Variants in BABAM2 observed in about 807,000 individuals in gnomAD.
BABAM2 encodes the protein BRISC and BRCA1-A complex member 2.
A neutral mutation model predicts 54.7 loss-of-function variants in BABAM2; 31 were observed. The observed-to-expected ratio is 0.57, with a 90% confidence interval of 0.43 to 0.77. The LOEUF (loss-of-function observed/expected upper bound fraction) is 0.77, where lower values mean the gene tolerates loss of function less well. Among genes scored for constraint, BABAM2 ranks in the 30% least tolerant of loss-of-function variants. BABAM2 has a pLI of 0.00. For missense variants in BABAM2, 364 were observed against 455.8 expected (o/e 0.80, Z 1.83); for synonymous variants, 167 against 162.9 (o/e 1.03, Z -0.19).
At chr2:28,146,159 G>A (rs1376789152) in intron 7 of BABAM2, among the ~76,000 whole-genome samples, 1 of 152,158 alleles carries the variant, frequency 6.6e-6, no homozygotes, top group Non-Finnish European at 1.5e-5. Flanking sequence ...AGTTGTAAGA[G>A]TTCTTTATAT....
chr2:28,018,821 A>G (rs1675039670), intron 4 of BABAM2, among the ~76,000 whole-genome samples: 1 of 152,144 alleles, frequency 6.6e-6, no homozygotes, highest in Non-Finnish European at 1.5e-5. Context: ...TTGTCTATTC[A>G]TGTCCTTAGT....
chr2:28,302,805 T>A (rs1198805360), intron 11 of BABAM2, among the ~76,000 whole-genome samples: 2 of 152,220 alleles, frequency 1.3e-5, no homozygotes, highest in Non-Finnish European at 2.9e-5. Context: ...CTCATGTTTT[T>A]AATTTACATT....
At chr2:28,119,416 A>G (rs1479352141) in intron 6 of BABAM2, among the ~76,000 whole-genome samples, 1 of 152,172 alleles carries the variant, frequency 6.6e-6, no homozygotes, top group Non-Finnish European at 1.5e-5. Context: ...CCTCCAGAGT[A>G]GGGGCTCCAT....
In BABAM2 at chr2:28,045,777, A is replaced by G; in HGVS notation, c.548A>G (p.Asn183Ser). Residue 183 changes from asparagine to serine, a missense_variant, in exon 6 of 12, where the codon AAT becomes AGT. By Grantham distance (46) the Asn-to-Ser change is conservative (BLOSUM62 1). Coordinates refer to ENST00000379624, the MANE Select transcript of BABAM2 (RefSeq NM_199191.3). ...FLLKLPVDFS[N>S]IPTYLLKDVN... is the part of the protein sequence containing the mutation. ...TTGAAGCTGCCCGTAGATTTCAGCAATATCCCCACATACCTTCTCAAGGTA... is the reference window on the plus strand; with the variant it reads ...TTGAAGCTGCCCGTAGATTTCAGCAGTATCCCCACATACCTTCTCAAGGTA... 1 of 1,611,558 alleles carries G rather than the reference A, an allele frequency of 6.2e-7. No homozygotes were observed. Among genetic ancestry groups the G allele is most frequent in the East Asian group, 2.2e-5 (1 of 44,786 alleles).
intron 4 of BABAM2, among the ~76,000 whole-genome samples, chr2:28,018,111 C>T (rs1327848389): frequency 6.6e-6 from 1 of 152,170 alleles, no homozygotes; most frequent in Non-Finnish European, 1.5e-5. Flanking sequence ...GTACACTGTG[C>T]CCAACGTGTA....
intron 7 of BABAM2, among the ~76,000 whole-genome samples, chr2:28,201,928 A>G (rs1384992842): frequency 4.0e-5 from 1 of 24,760 alleles, no homozygotes; most frequent in Non-Finnish European, 1.1e-4. Flanking sequence ...GTCACAGTAC[A>G]GATACAGAAC....
intron 2 of BABAM2, among the ~76,000 whole-genome samples, chr2:27,901,419 C>G (rs1665788636): frequency 6.6e-6 from 1 of 152,198 alleles, no homozygotes; most frequent in African/African-American, 2.4e-5. Flanking sequence ...ACCTCACTGG[C>G]ACATGGCTGT....
At chr2:28,072,402 T>C (rs1664233885) in intron 6 of BABAM2, among the ~76,000 whole-genome samples, 1 of 151,638 alleles carries the variant, frequency 6.6e-6, no homozygotes, top group Admixed American at 6.6e-5. Flanking sequence ...TTTTTTTTTT[T>C]TGAGGCGGAG....
At chr2:28,258,504 T>C (rs1684161123) in intron 10 of BABAM2, among the ~76,000 whole-genome samples, 1 of 152,208 alleles carries the variant, frequency 6.6e-6, no homozygotes, top group South Asian at 2.1e-4. Context: ...GTGGCTTCAA[T>C]TTGCAATTCC....
chr2:28,290,383 C>G (rs1461234338), intron 10 of BABAM2, among the ~76,000 whole-genome samples: 1 of 152,118 alleles, frequency 6.6e-6, no homozygotes, highest in Non-Finnish European at 1.5e-5. Context: ...TTTTACTGTA[C>G]AAGGTTTTAG....
intron 6 of BABAM2, among the ~76,000 whole-genome samples, chr2:28,100,903 G>A (rs560960601): frequency 1.9e-4 from 29 of 152,294 alleles, no homozygotes; most frequent in Non-Finnish European, 4.0e-4. Flanking sequence ...TGGTCAGGAG[G>A]AAGAAATTGG....
Position 28,087,056 on chromosome 2 carries a change from T to C in BABAM2, c.570+41257T>C, listed in dbSNP as rs184663736. On this transcript the variant is annotated intron_variant, in intron 6 of 11. Coordinates refer to ENST00000379624, the MANE Select transcript of BABAM2 (RefSeq NM_199191.3). ...AGAAGCATCCTTGTTAATTGAGGGC[T>C]TAACTATGAGAAGACCAGGAGTGAG... Among the ~76,000 whole-genome samples the C allele has an allele frequency of 8.5e-5, 13 of 152,344 alleles. No individual in the cohort carries two copies. In the East Asian group the frequency reaches 1.9e-3, roughly 23 times the overall value.
intron 11 of BABAM2, among the ~76,000 whole-genome samples, chr2:28,326,907 G>A (rs1690510024): frequency 1.8e-5 from 2 of 109,362 alleles, no homozygotes; most frequent in African/African-American, 7.2e-5. Flanking sequence ...GTTTGACCTC[G>A]GCAGTTTCCT....
intron 4 of BABAM2, 84 bp from the exon 5 acceptor site, chr2:28,025,142 C>T: frequency 8.1e-7 from 1 of 1,235,068 alleles, no homozygotes; most frequent in Non-Finnish European, 1.1e-6. Flanking sequence ...TACTCTTTTC[C>T]TCTACATTGA....
chr2:28,146,225 C>T (rs1450837011), intron 7 of BABAM2, among the ~76,000 whole-genome samples: 3 of 152,196 alleles, frequency 2.0e-5, no homozygotes, highest in African/African-American at 7.2e-5. Flanking sequence ...TTCTCCCATT[C>T]TGTGTGTTGT....
intron 11 of BABAM2, among the ~76,000 whole-genome samples, chr2:28,337,225 C>T (rs1691547293): frequency 6.6e-6 from 1 of 152,110 alleles, no homozygotes; most frequent in Non-Finnish European, 1.5e-5. Context: ...CCACCTCCTT[C>T]CTCTGCAGCC....
At position 28,082,876 on chromosome 2, in the gene BABAM2, T is replaced by A. The variant is rs186932792; in HGVS notation, c.570+37077T>A. 1.2e-4 allele frequency among the ~76,000 whole-genome samples: 18 copies of A among 152,312 alleles called. No homozygotes were observed. In the East Asian group the frequency reaches 2.9e-3, roughly 24 times the overall value. The stretch of plus-strand genomic sequence containing the variant: ...ACCTTTCTCACTTCTCCTGATATAC[T>A]GTGAAAATATTAAAACCTAATAATT... On this transcript the variant is annotated intron_variant, in intron 6 of 11. Transcript: ENST00000379624.
chr2:27,945,307 G>T (rs1669218059), intron 3 of BABAM2, among the ~76,000 whole-genome samples: 1 of 152,018 alleles, frequency 6.6e-6, no homozygotes. Flanking sequence ...GAGATTACAG[G>T]CATGAGCTAC....
intron 3 of BABAM2, among the ~76,000 whole-genome samples, chr2:27,969,856 A>G (rs1671083899): frequency 6.6e-6 from 1 of 152,122 alleles, no homozygotes; most frequent in African/African-American, 2.4e-5. Flanking sequence ...CCCTACAGCA[A>G]AGAGTTATCC....
Sources: gnomAD v4.1 joint callset for allele counts (sites outside exome capture counted in the v4.1 genomes callset) on GRCh38, gnomAD v4.1.1 for gene constraint, MANE v1.5 for transcripts, NCBI Gene and HGNC (gene_info 2026-07-23, HGNC 2026-07-21) for gene names.